Variants in GUCY1A2 observed in about 807,000 individuals in gnomAD.
GUCY1A2 encodes the protein guanylate cyclase soluble subunit alpha-2.
In GUCY1A2, 27 loss-of-function variants were observed where a neutral mutation model predicts 63.5. The ratio of observed to expected loss-of-function variants is 0.43; its 90% CI spans 0.31 to 0.59. The LOEUF is 0.59. GUCY1A2 is among the 20% of genes least tolerant of loss of function. GUCY1A2 has a pLI of 0.11. For synonymous variants in GUCY1A2, 364 were observed against 343.5 expected (o/e 1.06, Z -0.66); for missense variants, 768 against 913.3 (o/e 0.84, Z 2.05).
intron 6 of GUCY1A2, among the ~76,000 whole-genome samples, chr11:106,724,045 A>G (rs1414693672): frequency 6.6e-6 from 1 of 152,218 alleles, no homozygotes; most frequent in Non-Finnish European, 1.5e-5. Flanking sequence ...TTTTCTACCA[A>G]GTTAAAAACA....
chr11:106,869,820 A>AT (rs1859648881), intron 4 of GUCY1A2, among the ~76,000 whole-genome samples: 1 of 152,134 alleles, frequency 6.6e-6, no homozygotes, highest in Non-Finnish European at 1.5e-5. Flanking sequence ...TGTTTATTGC[A>AT]GCACTACTCA....
intron 4 of GUCY1A2, among the ~76,000 whole-genome samples, chr11:106,882,044 GCT>G (rs1385533440): frequency 1.3e-5 from 2 of 151,706 alleles, no homozygotes; most frequent in East Asian, 3.9e-4. Context: ...TTCAAAAAGC[GCT>G]CTCATTCTCT....
chr11:106,846,926 C>T (rs1859281093), intron 4 of GUCY1A2, among the ~76,000 whole-genome samples: 1 of 151,074 alleles, frequency 6.6e-6, no homozygotes, highest in Non-Finnish European at 1.5e-5. Flanking sequence ...AGGCACCAAG[C>T]AGAAATAAAG....
At chr11:106,752,524 C>G (rs544454824) in intron 6 of GUCY1A2, among the ~76,000 whole-genome samples, 1 of 152,058 alleles carries the variant, frequency 6.6e-6, no homozygotes, top group African/African-American at 2.4e-5. Flanking sequence ...CCCCGACCCC[C>G]CAGCAGGCCC....
At chr11:106,943,941 C>A (rs1260770797) in intron 3 of GUCY1A2, among the ~76,000 whole-genome samples, 1 of 151,990 alleles carries the variant, frequency 6.6e-6, no homozygotes, top group Non-Finnish European at 1.5e-5. Flanking sequence ...CACAGTGGGT[C>A]ATGCCTGTAA....
At chr11:106,795,224 C>A (rs996933015) in intron 5 of GUCY1A2, among the ~76,000 whole-genome samples, 1 of 152,142 alleles carries the variant, frequency 6.6e-6, no homozygotes, top group African/African-American at 2.4e-5. Flanking sequence ...CTTTCCCCTA[C>A]ATTTAGCTAC....
At chr11:106,864,690 T>A (rs1859566169) in intron 4 of GUCY1A2, among the ~76,000 whole-genome samples, 1 of 152,198 alleles carries the variant, frequency 6.6e-6, no homozygotes, top group African/African-American at 2.4e-5. Context: ...TTTTTGTCAA[T>A]GGTTCTGTTT....
intron 1 of GUCY1A2, among the ~76,000 whole-genome samples, chr11:106,997,166 T>C (rs762306901): frequency 8.5e-5 from 13 of 152,228 alleles, no homozygotes; most frequent in Non-Finnish European, 1.2e-4. Flanking sequence ...TATGCCAAGA[T>C]ACATGGATGT....
chr11:106,985,785 T>C (rs1861393483), intron 2 of GUCY1A2, among the ~76,000 whole-genome samples: 1 of 152,166 alleles, frequency 6.6e-6, no homozygotes, highest in Admixed American at 6.5e-5. Context: ...GGCATAATTA[T>C]ATGATTCAAC....
chr11:106,918,877 T>C (rs1225334562), intron 4 of GUCY1A2, among the ~76,000 whole-genome samples: 1 of 152,216 alleles, frequency 6.6e-6, no homozygotes, highest in Non-Finnish European at 1.5e-5. Flanking sequence ...TTTATCATCT[T>C]CTGGGATATA....
At chr11:106,937,614 G>T (rs1190588532) in intron 4 of GUCY1A2, among the ~76,000 whole-genome samples, 1 of 152,054 alleles carries the variant, frequency 6.6e-6, no homozygotes, top group Middle Eastern at 3.2e-3. Flanking sequence ...AAATTAAAGA[G>T]AAAGAATAAC....
intron 4 of GUCY1A2, among the ~76,000 whole-genome samples, chr11:106,813,700 T>A (rs1858794129): frequency 6.6e-6 from 1 of 151,984 alleles, no homozygotes; most frequent in Non-Finnish European, 1.5e-5. Context: ...TCCTGAAAAT[T>A]AAGTGGGAAA....
At chr11:106,875,920 G>A (rs187761394) in intron 4 of GUCY1A2, among the ~76,000 whole-genome samples, 3 of 151,318 alleles carry the variant, frequency 2.0e-5, no homozygotes, top group African/African-American at 4.9e-5. Flanking sequence ...ATATAATGAG[G>A]ACACCATGGT....
chr11:106,736,561 T>C (rs1863593137), intron 6 of GUCY1A2, among the ~76,000 whole-genome samples: 1 of 152,140 alleles, frequency 6.6e-6, no homozygotes. Context: ...AGTCAGGTAA[T>C]GTAATTTCTC....
chr11:106,957,411 G>A (rs1273047100), intron 3 of GUCY1A2, among the ~76,000 whole-genome samples: 4 of 152,284 alleles, frequency 2.6e-5, no homozygotes, highest in Non-Finnish European at 5.9e-5. Context: ...AGGCTGGGAC[G>A]CTAGGCCCTG....
In GUCY1A2 at chr11:106,770,338, C is replaced by A. The variant is rs114216419; in HGVS notation, c.1836+6101G>T. Among the ~76,000 whole-genome samples the A allele has an allele frequency of 3.4e-3, 510 of 152,176 alleles. 3 individuals are homozygous for A. Among genetic ancestry groups the A allele is most frequent in the African/African-American group, 0.012 (487 of 41,534 alleles). On this transcript the variant is annotated intron_variant, in intron 6 of 7. Coordinates refer to ENST00000526355, the MANE Select transcript of GUCY1A2 (RefSeq NM_000855.3). ...GAATGACAAGAAAAAAATGTCTATA[C>A]ATGTTCAATACTGAAGCAACTATCA...
In GUCY1A2 at chr11:106,917,626, A is replaced by C. The variant is rs191937653; in HGVS notation, c.1206+21834T>G. ...TACTATGCAGCCATAAAAAAGGATG[A>C]GTTCATGTCCTTTGTAGGGACGTGG... On this transcript the variant is annotated intron_variant, in intron 4 of 7. Coordinates refer to ENST00000526355, the MANE Select transcript of GUCY1A2 (RefSeq NM_000855.3). Among the ~76,000 whole-genome samples the C allele has an allele frequency of 9.0e-3, 1,306 of 144,322 alleles. 75 individuals are homozygous for C. Among genetic ancestry groups the C allele is most frequent in the African/African-American group, 0.03 (1,210 of 40,900 alleles). The allele number at this position is 144,322 out of a possible 152,430, so 94.7% of individuals were successfully genotyped here.
chr11:106,952,353 A>G (rs1488845083), intron 3 of GUCY1A2, among the ~76,000 whole-genome samples: 1 of 152,208 alleles, frequency 6.6e-6, no homozygotes, highest in Non-Finnish European at 1.5e-5. Context: ...CACGATATTG[A>G]TTCTTCCTAT....
At chr11:106,703,605 G>C (rs565996532) in intron 7 of GUCY1A2, among the ~76,000 whole-genome samples, 1 of 152,216 alleles carries the variant, frequency 6.6e-6, no homozygotes, top group East Asian at 1.9e-4. Context: ...TTATCACCTA[G>C]AACTTTCAGC....
Sources: gnomAD v4.1 joint callset for allele counts (sites outside exome capture counted in the v4.1 genomes callset) on GRCh38, gnomAD v4.1.1 for gene constraint, MANE v1.5 for transcripts, NCBI Gene and HGNC (gene_info 2026-07-23, HGNC 2026-07-21) for gene names.